The following RGS6 variants were observed in gnomAD, a reference collection of about 807,000 sequenced individuals.
RGS6 encodes regulator of G protein signaling 6, also known as regulator of G-protein signaling 6.
RGS6 carries 30 observed loss-of-function variants against 78.5 expected under a neutral mutation model. That is an observed-to-expected ratio of 0.38 (90% CI 0.29 to 0.52). The LOEUF (loss-of-function observed/expected upper bound fraction) is 0.52. Ranked by LOEUF, RGS6 falls within the 20% of genes least tolerant of loss-of-function variation. The probability of loss-of-function intolerance (pLI) is 0.85; values close to 1 mark genes in which losing one functional copy is unlikely to be tolerated. For missense variants in RGS6, 495 were observed against 609.7 expected, an observed-to-expected ratio of 0.81 and a Z score of 1.98; for synonymous variants, 206 against 206.0, an observed-to-expected ratio of 1.00 and a Z score of 0.00.
At chr14:72,626,000 C>T in the RGS6 span, among the ~76,000 whole-genome samples, 1 of 152,156 alleles carries the variant, frequency 6.6e-6, no homozygotes, top group East Asian at 1.9e-4. Flanking sequence ...CTGTCCTTAG[C>T]TTTACAACAC....
intron 2 of RGS6, among the ~76,000 whole-genome samples, chr14:72,239,925 T>C (rs1159440925): frequency 6.6e-6 from 1 of 152,204 alleles, no homozygotes; most frequent in Non-Finnish European, 1.5e-5. Flanking sequence ...AAACACCATT[T>C]GGGATCTTTC....
At chr14:72,021,091 A>T (rs2088352036) in intron 2 of RGS6, among the ~76,000 whole-genome samples, 1 of 152,210 alleles carries the variant, frequency 6.6e-6, no homozygotes, top group African/African-American at 2.4e-5. Context: ...TTCTCTGCTG[A>T]TGGAGCCATT....
At chr14:72,567,462 G>C (rs937490132), downstream of RGS6, among the ~76,000 whole-genome samples, 2 of 152,170 alleles carry the variant, frequency 1.3e-5, no homozygotes, top group Non-Finnish European at 2.9e-5. Context: ...ACTCTACCCT[G>C]ACCGCCACGA....
At chr14:72,266,333 T>C (rs993109262) in intron 2 of RGS6, among the ~76,000 whole-genome samples, 4 of 152,064 alleles carry the variant, frequency 2.6e-5, no homozygotes. Flanking sequence ...AGTGAGCATT[T>C]CTAGAGAAAG....
At chr14:71,959,595 G>A (rs1227315329) in intron 1 of RGS6, among the ~76,000 whole-genome samples, 2 of 151,536 alleles carry the variant, frequency 1.3e-5, no homozygotes, top group Non-Finnish European at 2.9e-5. Context: ...TAGGGTAATT[G>A]TAGTTGGTTC....
chr14:71,955,520 C>G (rs1047451618), intron 1 of RGS6, among the ~76,000 whole-genome samples: 1 of 152,112 alleles, frequency 6.6e-6, no homozygotes, highest in Non-Finnish European at 1.5e-5. Context: ...ATTTTTATGG[C>G]TATTTCTTGA....
intron 2 of RGS6, among the ~76,000 whole-genome samples, chr14:72,135,326 G>T (rs966738106): frequency 6.6e-6 from 1 of 152,080 alleles, no homozygotes; most frequent in Non-Finnish European, 1.5e-5. Context: ...GCAGAGACTC[G>T]CTTGGCTCTA....
chr14:72,087,061 A>G (rs572992639), intron 2 of RGS6, among the ~76,000 whole-genome samples: 2 of 152,138 alleles, frequency 1.3e-5, no homozygotes, highest in Non-Finnish European at 2.9e-5. Flanking sequence ...ACGACACAGA[A>G]TATTTTTCTC....
chr14:72,158,591 A>G (rs546608488), intron 2 of RGS6, among the ~76,000 whole-genome samples: 8 of 151,988 alleles, frequency 5.3e-5, no homozygotes, highest in African/African-American at 1.9e-4. Context: ...ATCTCCCCCA[A>G]ATTATGTTCG....
Position 72,152,243 on chromosome 14 carries a change from A to T in RGS6, c.84+187368A>T, listed in dbSNP as rs200575909. Among the ~76,000 whole-genome samples the T allele has an allele frequency of 9.1e-3, 1,142 of 125,206 alleles. 9 individuals are homozygous for T. Among genetic ancestry groups the T allele is most frequent in the African/African-American group, 0.019 (704 of 36,758 alleles). The allele number at this position is 125,206 out of a possible 152,430, so 82.1% of individuals were successfully genotyped here. ...GCATGAGAGAGAGAGAGAGAGAGAGAGAGTGTGTGTGTGTGTGTGTGTGTG... is the reference window on the plus strand; with the variant it reads ...GCATGAGAGAGAGAGAGAGAGAGAGTGAGTGTGTGTGTGTGTGTGTGTGTG... On this transcript the variant is annotated intron_variant, in intron 2 of 17. Coordinates refer to ENST00000553525, the MANE Select transcript of RGS6 (RefSeq NM_001204424.2).
intron 2 of RGS6, among the ~76,000 whole-genome samples, chr14:72,262,459 T>G (rs2058333131): frequency 6.6e-6 from 1 of 152,180 alleles, no homozygotes; most frequent in Non-Finnish European, 1.5e-5. Context: ...TTCCTCTTCT[T>G]CTAAAGACAC....
chr14:72,286,805 C>T (rs1204894849), intron 2 of RGS6, among the ~76,000 whole-genome samples: 1 of 150,066 alleles, frequency 6.7e-6, no homozygotes, highest in East Asian at 2.0e-4. Context: ...CCCCTTCCCT[C>T]CCTTCTTTCA....
chr14:72,032,597 C>T (rs764923202), intron 2 of RGS6, among the ~76,000 whole-genome samples: 7 of 152,102 alleles, frequency 4.6e-5, no homozygotes, highest in Admixed American at 1.3e-4. Flanking sequence ...AACCATTGAA[C>T]AGTAACTTGT....
At chr14:72,627,429 G>C in the RGS6 span, among the ~76,000 whole-genome samples, 1 of 152,036 alleles carries the variant, frequency 6.6e-6, no homozygotes, top group African/African-American at 2.4e-5. Flanking sequence ...AGTAATTTTA[G>C]ATGTGACCCT....
At chr14:72,080,997 T>A (rs1338637789) in intron 2 of RGS6, among the ~76,000 whole-genome samples, 2 of 152,150 alleles carry the variant, frequency 1.3e-5, no homozygotes, top group Non-Finnish European at 2.9e-5. Context: ...CTTGGCTCTT[T>A]GGGGTCTTTT....
chr14:72,152,771 G>A (rs2096712971), intron 2 of RGS6, among the ~76,000 whole-genome samples: 2 of 152,126 alleles, frequency 1.3e-5, no homozygotes, highest in African/African-American at 4.8e-5. Flanking sequence ...GCTATAAAAT[G>A]TCCTGTGATT....
chr14:72,071,303 C>G (rs919476043), intron 2 of RGS6, among the ~76,000 whole-genome samples: 3 of 152,148 alleles, frequency 2.0e-5, no homozygotes, highest in African/African-American at 7.2e-5. Flanking sequence ...TGTTGATGGA[C>G]TTTTGGATTC....
At chr14:72,517,259 GAC>G (rs1287997137) in intron 14 of RGS6, among the ~76,000 whole-genome samples, 15 of 151,986 alleles carry the variant, frequency 9.9e-5, no homozygotes, top group African/African-American at 3.6e-4. Flanking sequence ...CCTTTCTGTT[GAC>G]TAGACTACCT....
At chr14:72,032,762 A>G (rs72735998) in intron 2 of RGS6, among the ~76,000 whole-genome samples, 12,327 of 152,206 alleles carry the variant, frequency 0.081, 550 homozygotes, top group East Asian at 0.17. Flanking sequence ...AGGTTCATCT[A>G]TATTGTAGCT....
Sources: gnomAD v4.1 joint callset for allele counts (sites outside exome capture counted in the v4.1 genomes callset) on GRCh38, gnomAD v4.1.1 for gene constraint, MANE v1.5 for transcripts, NCBI Gene and HGNC (gene_info 2026-07-23, HGNC 2026-07-21) for gene names.